The following LRP8 variants were observed in gnomAD, a reference collection of about 807,000 sequenced individuals.
The protein encoded by LRP8 is low-density lipoprotein receptor-related protein 8.
LRP8 carries 46 observed loss-of-function variants against 111.6 expected under a neutral mutation model. That is an observed-to-expected ratio of 0.41 (90% confidence interval 0.33 to 0.53). The LOEUF (loss-of-function observed/expected upper bound fraction) is 0.53, where lower values mean the gene tolerates loss of function less well. Ranked by LOEUF, LRP8 falls within the 20% of genes least tolerant of loss-of-function variation. The probability of loss-of-function intolerance (pLI) is 0.20; values close to 1 mark genes in which losing one functional copy is unlikely to be tolerated. For missense variants in LRP8, 959 were observed against 1,297.4 expected (o/e 0.74, Z 4.01); for synonymous variants, 464 against 511.2 (o/e 0.91, Z 1.24).
chr1:53,318,754 A>G (rs375837552), intron 2 of LRP8, among the ~76,000 whole-genome samples: 1 of 152,070 alleles, frequency 6.6e-6, no homozygotes, highest in East Asian at 1.9e-4. Context: ...GCCATATGTG[A>G]AAACAACCGG....
rs1252944893 is a variant in LRP8, at chr1:53,277,084, C to A, written c.497-6G>T. On this transcript the variant is annotated splice_region_variant and splice_polypyrimidine_tract_variant and intron_variant, in intron 4 of 18. Transcript: ENST00000306052. ...GAACTCGTGCGGGGCGCACACTGCGCGGGACAGAGAGCCGGTCGGCCCGCC... is the reference window on the plus strand; with the variant it reads ...GAACTCGTGCGGGGCGCACACTGCGAGGGACAGAGAGCCGGTCGGCCCGCC... The A allele has an allele frequency of 1.2e-5, 18 of 1,496,886 alleles. No homozygotes were observed. The highest frequency in any genetic ancestry group is 1.4e-5 in the Non-Finnish European group (16 of 1,128,058). 92.7% of individuals were successfully genotyped at this position (1,496,886 alleles called of 1,614,324 possible). A position where few individuals can be genotyped will look rare whatever the true frequency, so the allele number is the denominator to read the frequency against.
intron 9 of LRP8, 45 bp from the exon 10 acceptor site, chr1:53,264,441 T>C: frequency 6.7e-7 from 1 of 1,493,020 alleles, no homozygotes; most frequent in Non-Finnish European, 9.2e-7. Flanking sequence ...GTTCCACCCA[T>C]GGGCCCATCT....
intron 2 of LRP8, among the ~76,000 whole-genome samples, chr1:53,316,697 C>A (rs929366559): frequency 6.6e-6 from 1 of 152,240 alleles, no homozygotes; most frequent in Non-Finnish European, 1.5e-5. Context: ...GCTGGAGATG[C>A]CCTACTCCCA....
At chr1:53,327,316 C>T in intron 1 of LRP8, 1 of 294,666 alleles carries the variant, frequency 3.4e-6, no homozygotes, top group Non-Finnish European at 6.3e-6. Context: ...GGAGTCCCCG[C>T]GCCCGCGCGC....
chr1:53,306,222 A>C (rs1270829090), intron 2 of LRP8: 1 of 152,234 alleles, frequency 6.6e-6, no homozygotes, highest in Non-Finnish European at 1.5e-5. Context: ...TTTTCCATCT[A>C]TACAGAATGT....
intron 2 of LRP8, among the ~76,000 whole-genome samples, chr1:53,319,585 A>G (rs1654231307): frequency 6.6e-6 from 1 of 152,300 alleles, no homozygotes; most frequent in Non-Finnish European, 1.5e-5. Flanking sequence ...GGGCCCCACC[A>G]GAGACAAAGA....
chr1:53,276,635 A>C, intron 5 of LRP8, 57 bp downstream of exon 5: 1 of 1,365,130 alleles, frequency 7.3e-7, no homozygotes, highest in Non-Finnish European at 9.7e-7. Context: ...GCGGATCCGG[A>C]TCGGATAGCG....
rs973435266 is a variant in LRP8, at chr1:53,257,275, G to T, written c.2399C>A (p.Thr800Asn). 12 of 1,614,050 alleles carry T rather than the reference G, an allele frequency of 7.4e-6. No individual in the cohort carries two copies. Among genetic ancestry groups the T allele is most frequent in the Non-Finnish European group, 1.0e-5 (12 of 1,180,030 alleles). Reference sequence around the variant, plus strand: ...GTGGTTGCTGGTTGCAGGGCTTAGGGTAGACGGGCTGATGCTGGGAGCCCT... The same window carrying T: ...GTGGTTGCTGGTTGCAGGGCTTAGGTTAGACGGGCTGATGCTGGGAGCCCT... ...VPRAPSISPS[T>N]LSPATSNHSQ... The change falls in exon 15 of 19, where the codon ACC becomes AAC. Residue 800 changes from threonine (T) to asparagine (N), a missense_variant. Thr to Asn is a moderately conservative substitution (Grantham distance 65, BLOSUM62 0). This residue lies in a region of LRP8 where 819 missense variants were observed against 1,097.6 expected (regional missense o/e 0.75). Coordinates refer to ENST00000306052, the MANE Select transcript of LRP8 (RefSeq NM_004631.5).
In LRP8 at chr1:53,249,238, A is replaced by C; in HGVS notation, c.2853+142T>G. On this transcript the variant is annotated intron_variant, in intron 18 of 18. Transcript: ENST00000306052. The surrounding 1 kb of genome is among the most constrained non-coding windows in gnomAD (Gnocchi z 4.1). ...CATGCCATTCATTGGTCTGTGACTA[A>C]CCCATTTTTCTTCTTTGCCCCAACA... 4 of 811,730 alleles carry C rather than the reference A, an allele frequency of 4.9e-6. No homozygotes were observed. In the South Asian group the frequency reaches 7.3e-5, roughly 15 times the overall value. The allele number at this position is 811,730 out of a possible 1,614,324, so 50.3% of individuals were successfully genotyped here. A position where few individuals can be genotyped will look rare whatever the true frequency, so the allele number is the denominator to read the frequency against.
intron 2 of LRP8, among the ~76,000 whole-genome samples, chr1:53,312,290 C>T (rs1304766467): frequency 6.6e-6 from 1 of 152,212 alleles, no homozygotes; most frequent in East Asian, 1.9e-4. Flanking sequence ...TTTGGCCCTG[C>T]TCTTCCAGAC....
At chr1:53,265,513 A>C (rs754955818) in intron 9 of LRP8, among the ~76,000 whole-genome samples, 1 of 152,214 alleles carries the variant, frequency 6.6e-6, no homozygotes, top group Non-Finnish European at 1.5e-5. Flanking sequence ...TGAAACTCCC[A>C]AAATTCACTA....
intron 4 of LRP8, among the ~76,000 whole-genome samples, chr1:53,280,247 G>A (rs1647062632): frequency 6.6e-6 from 1 of 152,182 alleles, no homozygotes; most frequent in Non-Finnish European, 1.5e-5. Context: ...ATGAGCAGAT[G>A]TCAGACATGG....
intron 16 of LRP8, among the ~76,000 whole-genome samples, chr1:53,251,255 A>G (rs558119095): frequency 3.3e-5 from 5 of 152,304 alleles, no homozygotes; most frequent in Admixed American, 1.3e-4. Flanking sequence ...GTGCCTAGTA[A>G]CATGTGCTGA....
chr1:53,271,163 G>A lies in LRP8; in HGVS notation c.1127-10C>T. Reference sequence around the variant, plus strand: ...TTGCACTCATCAATGTCTGTGGGGAGGAGCAGGAGTCAGAACCAGCAGGAG... The same window carrying A: ...TTGCACTCATCAATGTCTGTGGGGAAGAGCAGGAGTCAGAACCAGCAGGAG... On this transcript the variant is annotated splice_polypyrimidine_tract_variant and intron_variant, in intron 7 of 18. Transcript: ENST00000306052. 3 of 1,614,014 alleles carry A rather than the reference G, an allele frequency of 1.9e-6. No individual in the cohort carries two copies. Among genetic ancestry groups the A allele is most frequent in the East Asian group, 4.5e-5 (2 of 44,858 alleles).
chr1:53,293,256 G>GA lies in LRP8; in HGVS notation c.245-3568_245-3567insT, dbSNP rs1649113025. ...GGCCAGAGCAGCCAAAAACACCACT[G>GA]CTGTCCCAAAGGGCAGCTTTGAGGT... On this transcript the variant is annotated intron_variant, in intron 2 of 18. Transcript: ENST00000306052. The surrounding 1 kb of genome is among the most constrained non-coding windows in gnomAD (Gnocchi z 4.9). 6.9e-6 allele frequency among the ~76,000 whole-genome samples: 1 copy of GA among 144,002 alleles called. No homozygotes were observed. The allele number at this position is 144,002 out of a possible 152,430, so 94.5% of individuals were successfully genotyped here.
chr1:53,290,805 G>GA (rs1191004396), intron 2 of LRP8, among the ~76,000 whole-genome samples: 4 of 152,278 alleles, frequency 2.6e-5, no homozygotes, highest in Middle Eastern at 3.4e-3. Context: ...TTCCATGGGG[G>GA]AACTGAGGCT....
intron 12 of LRP8, among the ~76,000 whole-genome samples, chr1:53,261,128 C>T (rs543012425): frequency 6.6e-6 from 1 of 152,300 alleles, no homozygotes; most frequent in South Asian, 2.1e-4. Context: ...TGTTCATCCA[C>T]ACACAAAAAG....
chr1:53,300,619 G>A (rs915474547), intron 2 of LRP8, among the ~76,000 whole-genome samples: 2 of 152,208 alleles, frequency 1.3e-5, no homozygotes, highest in African/African-American at 2.4e-5. Flanking sequence ...CCACCAGACC[G>A]GACTAGGCTC....
At chr1:53,316,536 G>T (rs147560900) in intron 2 of LRP8, among the ~76,000 whole-genome samples, 20 of 151,908 alleles carry the variant, frequency 1.3e-4, no homozygotes, top group Non-Finnish European at 2.8e-4. Context: ...CACAGCCCCT[G>T]CCCCCATGCT....
Sources: allele counts gnomAD v4.1 joint callset (sites outside exome capture counted in the v4.1 genomes callset), GRCh38; gene constraint gnomAD v4.1.1; regional missense constraint gnomAD v4.1.1; non-coding constraint Gnocchi (gnomAD v3.1); transcripts MANE v1.5; gene names NCBI Gene and HGNC (gene_info 2026-07-23, HGNC 2026-07-21).